Variants in WDFY4 observed in about 807,000 individuals in gnomAD.
WDFY4 encodes WD repeat- and FYVE domain-containing protein 4.
Under a neutral mutation model 351.9 loss-of-function variants are expected in WDFY4, and 169 were observed. The ratio of observed to expected loss-of-function variants is 0.48; its 90% confidence interval spans 0.42 to 0.55. The LOEUF is 0.55. WDFY4 is among the 20% of genes least tolerant of loss of function. The pLI is 0.00. For missense variants in WDFY4, 3,803 were observed against 3,935.6 expected (o/e 0.97, Z 0.90); for synonymous variants, 1,622 against 1,574.6 (o/e 1.03, Z -0.71).
chr10:48,942,535 G>A (rs977639102), intron 48 of WDFY4, among the ~76,000 whole-genome samples: 15 of 152,318 alleles, frequency 9.8e-5, no homozygotes, highest in African/African-American at 2.6e-4. Flanking sequence ...GAAGATACAC[G>A]TGGCTCCCAG....
At chr10:48,960,465 G>A (rs988631504) in intron 53 of WDFY4, among the ~76,000 whole-genome samples, 4 of 152,176 alleles carry the variant, frequency 2.6e-5, no homozygotes, top group African/African-American at 9.7e-5. Flanking sequence ...AGACATCAAT[G>A]GTGGGAAAAG....
intron 25 of WDFY4, among the ~76,000 whole-genome samples, chr10:48,804,184 AC>A (rs1464862990): frequency 1.3e-5 from 2 of 151,980 alleles, no homozygotes; most frequent in Non-Finnish European, 2.9e-5. Context: ...CCCACATATC[AC>A]CCCACCTGCC....
intron 23 of WDFY4, among the ~76,000 whole-genome samples, chr10:48,791,745 G>A (rs2066688550): frequency 6.6e-6 from 1 of 152,206 alleles, no homozygotes; most frequent in Non-Finnish European, 1.5e-5. Context: ...AGGCAGTGGA[G>A]GCTTCCTCTG....
At chr10:48,755,354 T>C (rs1303535737) in intron 12 of WDFY4, among the ~76,000 whole-genome samples, 1 of 152,158 alleles carries the variant, frequency 6.6e-6, no homozygotes, top group Non-Finnish European at 1.5e-5. Context: ...CTTCCACAGA[T>C]TGAAGGTTTT....
chr10:48,914,546 G>C lies in WDFY4; in HGVS notation c.7586+12683G>C, dbSNP rs553884792. Among the ~76,000 whole-genome samples, 27 of 152,288 alleles carry C rather than the reference G, an allele frequency of 1.8e-4. No homozygotes were observed. The South Asian group carries it at 3.3e-3, about 19-fold the overall frequency. On this transcript the variant is annotated intron_variant, in intron 47 of 61. Transcript: ENST00000325239. ...CAGACTGTCACGTACCCCCAACCCA[G>C]AGCCATGTGTGTGTGTTCTTGGATA...
intron 1 of WDFY4, among the ~76,000 whole-genome samples, chr10:48,709,510 A>G (rs1284802506): frequency 2.0e-5 from 3 of 152,232 alleles, no homozygotes; most frequent in Admixed American, 6.5e-5. Flanking sequence ...AGTGCTGGGC[A>G]CACACTAGAT....
intron 57 of WDFY4, among the ~76,000 whole-genome samples, chr10:48,974,497 C>T (rs187887808): frequency 0.23 from 1,123 of 4,862 alleles, 11 homozygotes; most frequent in Middle Eastern, 0.62. Flanking sequence ...AGCAAGACTC[C>T]GTCTCAAAAA....
chr10:48,913,407 G>A (rs1456340486), intron 47 of WDFY4: 2 of 1,611,612 alleles, frequency 1.2e-6, no homozygotes, highest in East Asian at 4.5e-5. Flanking sequence ...GTCTTCCCAG[G>A]AGTCCTTGGC....
At chr10:48,920,310 G>T (rs564764861) in intron 47 of WDFY4, among the ~76,000 whole-genome samples, 1 of 135,852 alleles carries the variant, frequency 7.4e-6, no homozygotes, top group African/African-American at 2.8e-5. Context: ...GGTGGGAATT[G>T]AACAATGAGA....
intron 47 of WDFY4, among the ~76,000 whole-genome samples, chr10:48,921,843 C>T (rs1354976768): frequency 6.6e-6 from 1 of 152,120 alleles, no homozygotes; most frequent in Non-Finnish European, 1.5e-5. Flanking sequence ...GATGCTGCAA[C>T]TAGAGTTCTC....
intron 53 of WDFY4, among the ~76,000 whole-genome samples, chr10:48,963,472 C>T (rs572012394): frequency 6.6e-6 from 1 of 152,326 alleles, no homozygotes; most frequent in Admixed American, 6.5e-5. Flanking sequence ...ACCAGCTCTC[C>T]TTGTTTCATA....
intron 47 of WDFY4, among the ~76,000 whole-genome samples, chr10:48,939,014 T>TGCCCACAG (rs1451947084): frequency 6.6e-6 from 1 of 152,172 alleles, no homozygotes; most frequent in Non-Finnish European, 1.5e-5. Flanking sequence ...CACCCCAAGT[T>TGCCCACAG]GCCCACAGGC....
chr10:48,803,625 G>A (rs750418350), intron 25 of WDFY4, among the ~76,000 whole-genome samples: 7 of 152,146 alleles, frequency 4.6e-5, no homozygotes, highest in Admixed American at 2.0e-4. Context: ...ACCAGCAAAG[G>A]TCCACTCTCC....
intron 28 of WDFY4, among the ~76,000 whole-genome samples, chr10:48,810,086 A>G (rs2067397482): frequency 6.6e-6 from 1 of 152,232 alleles, no homozygotes; most frequent in South Asian, 2.1e-4. Flanking sequence ...AAAATGCATA[A>G]ATATTGAACT....
intron 58 of WDFY4, 168 bp from the exon 59 acceptor site, chr10:48,976,629 A>C: frequency 2.1e-6 from 1 of 473,970 alleles, no homozygotes; most frequent in Non-Finnish European, 3.4e-6. Flanking sequence ...ACTGTGTGAA[A>C]ACACAGCAGA....
chr10:48,786,541 G>T, intron 19 of WDFY4, 98 bp from the exon 20 acceptor site: 1 of 855,480 alleles, frequency 1.2e-6, no homozygotes, highest in South Asian at 2.2e-5. Context: ...TTTTTACTAT[G>T]AGATGAGAAT....
chr10:48,908,469 G>T (rs914593121), intron 47 of WDFY4, among the ~76,000 whole-genome samples: 1 of 152,286 alleles, frequency 6.6e-6, no homozygotes, highest in Non-Finnish European at 1.5e-5. Flanking sequence ...CGGCTGAGCC[G>T]AGGTTAAGGT....
chr10:48,919,492 A>G (rs2133568355), intron 47 of WDFY4, among the ~76,000 whole-genome samples: 1 of 152,338 alleles, frequency 6.6e-6, no homozygotes, highest in Non-Finnish European at 1.5e-5. Flanking sequence ...AGGCTACTAT[A>G]ACAAAGTACC....
At chr10:48,965,866 A>T (rs77907949) in intron 54 of WDFY4, among the ~76,000 whole-genome samples, 1 of 11,480 alleles carries the variant, frequency 8.7e-5, no homozygotes, top group African/African-American at 1.8e-4. Flanking sequence ...CAGTTAGATA[A>T]AGATTATATC....
Sources: allele counts gnomAD v4.1 joint callset (sites outside exome capture counted in the v4.1 genomes callset), GRCh38; gene constraint gnomAD v4.1.1; transcripts MANE v1.5; gene names NCBI Gene and HGNC (gene_info 2026-07-23, HGNC 2026-07-21).